OCA2: variants seen among roughly 807,000 people sequenced by gnomAD.
OCA2 encodes P protein.
In OCA2, 77 loss-of-function variants were observed where a neutral mutation model predicts 100.2. The ratio of observed to expected loss-of-function variants is 0.77; its 90% CI spans 0.64 to 0.93. The LOEUF (loss-of-function observed/expected upper bound fraction) is 0.93. Ranked by LOEUF, OCA2 falls within the 40% of genes least tolerant of loss-of-function variation. OCA2 has a pLI of 0.00. For missense variants in OCA2, 1,062 were observed against 1,089.1 expected (o/e 0.98, Z 0.35); for synonymous variants, 432 against 439.2 (o/e 0.98, Z 0.21).
chr15:27,915,248 A>T (rs1183284767), intron 19 of OCA2, among the ~76,000 whole-genome samples: 1 of 152,216 alleles, frequency 6.6e-6, no homozygotes, highest in Non-Finnish European at 1.5e-5. Flanking sequence ...ACCTAAAACC[A>T]TAAAAACCCT....
chr15:27,728,906 G>A, the OCA2 span, among the ~76,000 whole-genome samples: 2 of 152,118 alleles, frequency 1.3e-5, no homozygotes, highest in Non-Finnish European at 2.9e-5. Flanking sequence ...TTTACAACCT[G>A]GAAGGACTGA....
chr15:28,006,583 C>A (rs932753913), intron 9 of OCA2, among the ~76,000 whole-genome samples: 1 of 152,176 alleles, frequency 6.6e-6, no homozygotes, highest in South Asian at 2.1e-4. Flanking sequence ...ATGTGTTAAG[C>A]AGAGGGAGTG....
chr15:27,921,035 A>G (rs2038839598), intron 19 of OCA2, among the ~76,000 whole-genome samples: 2 of 152,162 alleles, frequency 1.3e-5, no homozygotes, highest in Non-Finnish European at 2.9e-5. Flanking sequence ...TGTGAAAAAT[A>G]GTAACCAAAA....
At chr15:28,023,403 G>A (rs146763954) in intron 5 of OCA2, among the ~76,000 whole-genome samples, 117 of 152,246 alleles carry the variant, frequency 7.7e-4, no homozygotes, top group African/African-American at 2.7e-3. Context: ...CCACCCTGCT[G>A]TCCACATGTC....
At chr15:28,056,324 A>G (rs1173174563) in intron 2 of OCA2, among the ~76,000 whole-genome samples, 1 of 152,220 alleles carries the variant, frequency 6.6e-6, no homozygotes, top group Non-Finnish European at 1.5e-5. Flanking sequence ...GAGCACTGGC[A>G]TTCATGACAA....
In OCA2 at chr15:27,983,332, T is replaced by C. The variant is rs765651712; in HGVS notation, c.1503+13A>G. Reference sequence around the variant, plus strand: ...GCGTTTACTGGAAGCAACCCTAGCATGCTGGTACGTACCATCTTCCTCAGC... The same window carrying C: ...GCGTTTACTGGAAGCAACCCTAGCACGCTGGTACGTACCATCTTCCTCAGC... On this transcript the variant is annotated intron_variant, in intron 14 of 23. Coordinates refer to ENST00000354638, the MANE Select transcript of OCA2 (RefSeq NM_000275.3). The C allele has an allele frequency of 4.3e-6, 7 of 1,614,148 alleles. No homozygotes were observed. Among genetic ancestry groups the C allele is most frequent in the Admixed American group, 1.7e-5 (1 of 60,028 alleles).
intron 23 of OCA2, among the ~76,000 whole-genome samples, chr15:27,792,015 T>C (rs1039594949): frequency 2.0e-5 from 3 of 152,198 alleles, no homozygotes; most frequent in African/African-American, 4.8e-5. Context: ...CCCAAGACTG[T>C]GTGTCTCCAC....
chr15:27,956,876 G>A (rs1303111413), intron 16 of OCA2, among the ~76,000 whole-genome samples: 3 of 152,228 alleles, frequency 2.0e-5, no homozygotes, highest in East Asian at 1.9e-4. Flanking sequence ...AGTGCACAGC[G>A]AATGGCAACA....
rs529017077 is a variant in OCA2 at position 27,870,435 on chromosome 15, G to A, written c.2244+719C>T. Among the ~76,000 whole-genome samples the A allele has an allele frequency of 2.6e-5, 4 of 152,250 alleles. No homozygotes were observed. In the South Asian group the frequency reaches 6.2e-4, roughly 24 times the overall value. On this transcript the variant is annotated intron_variant, in intron 21 of 23. Coordinates refer to ENST00000354638, the MANE Select transcript of OCA2 (RefSeq NM_000275.3). ...CACCTGGATTCCCAGTTCCTGCCCT[G>A]AGCCAAGCAATCAGTGACGGCAGAA...
At chr15:27,801,947 G>A (rs912022060) in intron 23 of OCA2, among the ~76,000 whole-genome samples, 2 of 152,032 alleles carry the variant, frequency 1.3e-5, no homozygotes, top group Non-Finnish European at 2.9e-5. Flanking sequence ...GGTGTAAATA[G>A]CCAATGCATT....
chr15:27,950,188 T>C (rs1229072776), intron 18 of OCA2, among the ~76,000 whole-genome samples: 1 of 152,228 alleles, frequency 6.6e-6, no homozygotes, highest in Non-Finnish European at 1.5e-5. Flanking sequence ...TATATCTTTT[T>C]AGTTTTTAAA....
chr15:27,932,946 G>A (rs1397925341), intron 18 of OCA2, among the ~76,000 whole-genome samples: 1 of 150,718 alleles, frequency 6.6e-6, no homozygotes, highest in African/African-American at 2.5e-5. Context: ...CAAATGTTCA[G>A]TGTTCAACCA....
rs116840061 is a variant in OCA2, at chr15:27,777,704, A to G, written c.2433-22232T>C. Among the ~76,000 whole-genome samples, 808 of 152,340 alleles carry G rather than the reference A, an allele frequency of 5.3e-3. 8 individuals carry two copies. Among genetic ancestry groups the G allele is most frequent in the African/African-American group, 0.018 (767 of 41,586 alleles). On this transcript the variant is annotated intron_variant, in intron 23 of 23. Transcript: ENST00000354638. ...AGTCAAGCTCGAAACTCTAGCCCCAATGCCTTGGAGAGTCTGTAAGCCATG... is the reference window on the plus strand; with the variant it reads ...AGTCAAGCTCGAAACTCTAGCCCCAGTGCCTTGGAGAGTCTGTAAGCCATG...
At chr15:27,844,665 A>T (rs1023740787) in intron 23 of OCA2, among the ~76,000 whole-genome samples, 1 of 151,794 alleles carries the variant, frequency 6.6e-6, no homozygotes, top group African/African-American at 2.4e-5. Flanking sequence ...TGCCCAGCTA[A>T]TTTTTTTTGT....
chr15:28,005,400 GT>G (rs753615107), intron 9 of OCA2, among the ~76,000 whole-genome samples: 3 of 152,086 alleles, frequency 2.0e-5, no homozygotes, highest in African/African-American at 4.8e-5. Context: ...CCGGGCTGCT[GT>G]CACCAAACCC....
At chr15:27,748,198 T>A in the OCA2 span, among the ~76,000 whole-genome samples, 2 of 152,204 alleles carry the variant, frequency 1.3e-5, no homozygotes, top group African/African-American at 2.4e-5. Context: ...GTGAGCCTGA[T>A]GAATCCCTTC....
chr15:28,012,143 G>A (rs187274523), intron 9 of OCA2, among the ~76,000 whole-genome samples: 2 of 152,190 alleles, frequency 1.3e-5, no homozygotes, highest in East Asian at 1.9e-4. Flanking sequence ...CAGACATCAC[G>A]CTGAAGAAGA....
chr15:27,885,873 A>G (rs1399363539), intron 19 of OCA2, among the ~76,000 whole-genome samples: 2 of 152,220 alleles, frequency 1.3e-5, no homozygotes, highest in African/African-American at 4.8e-5. Context: ...GGAGACAGAG[A>G]AAAAGTTTAT....
chr15:28,052,203 A>C (rs1363401453), intron 2 of OCA2, among the ~76,000 whole-genome samples: 1 of 152,150 alleles, frequency 6.6e-6, no homozygotes, highest in Non-Finnish European at 1.5e-5. Context: ...CGTTGAACTC[A>C]AGCACCAAAA....
Sources: gnomAD v4.1 joint callset for allele counts (sites outside exome capture counted in the v4.1 genomes callset) on GRCh38, gnomAD v4.1.1 for gene constraint, MANE v1.5 for transcripts, NCBI Gene and HGNC (gene_info 2026-07-23, HGNC 2026-07-21) for gene names.